AKAP6: variants seen among roughly 807,000 people sequenced by gnomAD.
The protein encoded by AKAP6 is A-kinase anchor protein 6.
AKAP6 carries 58 observed loss-of-function variants against 188.5 expected under a neutral mutation model. The observed-to-expected ratio is 0.31, with a 90% confidence interval of 0.25 to 0.38. The LOEUF (loss-of-function observed/expected upper bound fraction) is 0.38. Ranked by LOEUF, AKAP6 falls within the 10% of genes least tolerant of loss-of-function variation. AKAP6 has a pLI of 1.00. For synonymous variants in AKAP6, 989 were observed against 998.6 expected (o/e 0.99, Z 0.18); for missense variants, 2,710 against 2,740.0 (o/e 0.99, Z 0.24).
intron 7 of AKAP6, among the ~76,000 whole-genome samples, chr14:32,662,437 A>G (rs1888743909): frequency 6.6e-6 from 1 of 152,150 alleles, no homozygotes; most frequent in African/African-American, 2.4e-5. Flanking sequence ...CAGTTGTTAA[A>G]TACCAATCTG....
At chr14:32,569,427 C>T (rs10129702) in intron 4 of AKAP6, among the ~76,000 whole-genome samples, 1,652 of 152,262 alleles carry the variant, frequency 0.011, 38 homozygotes, top group African/African-American at 0.038. Context: ...GTCAATTACT[C>T]GTACTGTGTT....
intron 9 of AKAP6, among the ~76,000 whole-genome samples, chr14:32,696,675 A>G (rs1340037419): frequency 2.0e-5 from 3 of 152,210 alleles, no homozygotes; most frequent in Non-Finnish European, 4.4e-5. Flanking sequence ...TAGGCAATCC[A>G]TCTAATAACT....
At chr14:32,576,007 A>T (rs976351174) in intron 4 of AKAP6, among the ~76,000 whole-genome samples, 13 of 152,060 alleles carry the variant, frequency 8.5e-5, no homozygotes, top group Non-Finnish European at 1.6e-4. Context: ...TTTTGAGGTA[A>T]TCTAATTGCT....
intron 4 of AKAP6, among the ~76,000 whole-genome samples, chr14:32,561,230 G>A (rs1266605246): frequency 6.6e-6 from 1 of 151,980 alleles, no homozygotes; most frequent in East Asian, 1.9e-4. Flanking sequence ...AAATCTAAAG[G>A]CTACATAAAT....
At chr14:32,331,240 G>A (rs1008867637) in intron 1 of AKAP6, among the ~76,000 whole-genome samples, 1 of 152,010 alleles carries the variant, frequency 6.6e-6, no homozygotes, top group Admixed American at 6.6e-5. Flanking sequence ...TGAGTTTTCT[G>A]TTTGCTTAAT....
chr14:32,517,738 T>C (rs1249522886), intron 2 of AKAP6, among the ~76,000 whole-genome samples: 1 of 152,216 alleles, frequency 6.6e-6, no homozygotes, highest in Non-Finnish European at 1.5e-5. Context: ...CAAGGAGGCC[T>C]GCCTACCTCT....
At chr14:32,685,228 C>T (rs1889858990) in intron 8 of AKAP6, among the ~76,000 whole-genome samples, 1 of 151,958 alleles carries the variant, frequency 6.6e-6, no homozygotes, top group African/African-American at 2.4e-5. Flanking sequence ...AATGCCACTG[C>T]ACTCCAACCT....
At chr14:32,406,840 G>A (rs1889311715) in intron 1 of AKAP6, among the ~76,000 whole-genome samples, 1 of 152,136 alleles carries the variant, frequency 6.6e-6, no homozygotes, top group Non-Finnish European at 1.5e-5. Context: ...AAGCCCATTA[G>A]TGTCTTATCC....
chr14:32,451,520 T>C (rs972853025), intron 2 of AKAP6, among the ~76,000 whole-genome samples: 2 of 152,218 alleles, frequency 1.3e-5, no homozygotes, highest in Non-Finnish European at 2.9e-5. Flanking sequence ...GTGTATAAAA[T>C]GTGCACTTGG....
At chr14:32,418,752 C>A (rs2138657564) in intron 1 of AKAP6, among the ~76,000 whole-genome samples, 1 of 152,104 alleles carries the variant, frequency 6.6e-6, no homozygotes, top group Middle Eastern at 3.4e-3. Flanking sequence ...CTCATTGTTG[C>A]TATTTATTTC....
intron 1 of AKAP6, among the ~76,000 whole-genome samples, chr14:32,359,621 A>G (rs1484078731): frequency 6.6e-6 from 1 of 150,810 alleles, no homozygotes; most frequent in African/African-American, 2.4e-5. Context: ...CCAGGGTCCT[A>G]CATTGCATTT....
chr14:32,626,205 A>AT (rs1456976098), intron 7 of AKAP6, among the ~76,000 whole-genome samples: 1 of 152,036 alleles, frequency 6.6e-6, no homozygotes, highest in African/African-American at 2.4e-5. Context: ...ATCGCAAATA[A>AT]TTTTTATTTT....
chr14:32,785,814 A>G lies in AKAP6; in HGVS notation c.3588+11921A>G, dbSNP rs1054570417. 2.0e-5 allele frequency among the ~76,000 whole-genome samples: 3 copies of G among 152,208 alleles called. No individual in the cohort carries two copies. The East Asian group carries it at 5.8e-4, about 29-fold the overall frequency. On this transcript the variant is annotated intron_variant, in intron 12 of 13. Coordinates refer to ENST00000280979, the MANE Select transcript of AKAP6 (RefSeq NM_004274.5). ...ATAAACGAATGCTATACTTATTTGG[A>G]CATAGTCAAACCAACCAAGACATAA... is the stretch of plus-strand genomic sequence containing the variant.
chr14:32,771,341 GAA>G (rs57706321), intron 11 of AKAP6, among the ~76,000 whole-genome samples: 1 of 141,110 alleles, frequency 7.1e-6, no homozygotes, highest in Non-Finnish European at 1.5e-5. Flanking sequence ...TCATTTAAAG[GAA>G]AAAAAAAAAA....
chr14:32,570,123 ACTTTT>A, intron 4 of AKAP6, among the ~76,000 whole-genome samples: 1 of 107,332 alleles, frequency 9.3e-6, no homozygotes, highest in Middle Eastern at 5.3e-3. Flanking sequence ...CTGTGTGGGA[ACTTTT>A]TTTTTTTTTT....
chr14:32,491,887 C>T (rs1339139297), intron 2 of AKAP6, among the ~76,000 whole-genome samples: 1 of 152,122 alleles, frequency 6.6e-6, no homozygotes, highest in Admixed American at 6.6e-5. Flanking sequence ...AACTAAATCC[C>T]GATTTAACTA....
At chr14:32,612,426 C>G (rs1886387304) in intron 7 of AKAP6, among the ~76,000 whole-genome samples, 1 of 152,060 alleles carries the variant, frequency 6.6e-6, no homozygotes, top group African/African-American at 2.4e-5. Flanking sequence ...AAAGACAGAA[C>G]CCTACTTTAT....
chr14:32,702,890 G>A (rs896228654), intron 9 of AKAP6, among the ~76,000 whole-genome samples: 1 of 151,728 alleles, frequency 6.6e-6, no homozygotes, highest in East Asian at 1.9e-4. Context: ...GCAGAGATGG[G>A]CCATGTGACC....
chr14:32,720,422 G>A (rs1282556963), intron 9 of AKAP6, among the ~76,000 whole-genome samples: 1 of 152,190 alleles, frequency 6.6e-6, no homozygotes, highest in Non-Finnish European at 1.5e-5. Flanking sequence ...TAACTTAGGA[G>A]ATAGATGGTC....
Sources: allele counts gnomAD v4.1 joint callset (sites outside exome capture counted in the v4.1 genomes callset), GRCh38; gene constraint gnomAD v4.1.1; transcripts MANE v1.5; gene names NCBI Gene and HGNC (gene_info 2026-07-23, HGNC 2026-07-21).